Variants in ITGB1BP1 observed in about 807,000 individuals in gnomAD.
ITGB1BP1 encodes the protein integrin subunit beta 1 binding protein 1.
In ITGB1BP1, 20 loss-of-function variants were observed where a neutral mutation model predicts 28.0. That is an observed-to-expected ratio of 0.71 (90% CI 0.50 to 1.04). The LOEUF (loss-of-function observed/expected upper bound fraction) is 1.04, where lower values mean the gene tolerates loss of function less well. Among genes scored for constraint, ITGB1BP1 ranks in the 50% least tolerant of loss-of-function variants. The probability of loss-of-function intolerance (pLI) is 0.00; values close to 1 mark genes in which losing one functional copy is unlikely to be tolerated. For synonymous variants in ITGB1BP1, 103 were observed against 89.5 expected (o/e 1.15, Z -0.85); for missense variants, 228 against 242.5 (o/e 0.94, Z 0.40).
At chr2:9,412,589 T>G (rs1678583056) in intron 3 of ITGB1BP1, 184 bp from the exon 4 acceptor site, 1 of 549,964 alleles carries the variant, frequency 1.8e-6, no homozygotes, top group South Asian at 2.5e-5. Flanking sequence ...TTTTCCTCAG[T>G]GACTCATGGT....
rs1014907600 is a variant in ITGB1BP1, at chr2:9,415,953, A to G, written c.73-1697T>C. On this transcript the variant is annotated intron_variant, in intron 2 of 6. Transcript: ENST00000355346. This position sits in a 1 kb window ranked among gnomAD's most constrained non-coding sequence, Gnocchi z 4.1. ...CCCGGGATGAAAGGTCTAGGGAGGC[A>G]TCTCCTGAGGGGGCCTTGTGCGACC... 3.3e-5 allele frequency among the ~76,000 whole-genome samples: 5 copies of G among 152,230 alleles called. No individual in the cohort carries two copies. The highest frequency in any genetic ancestry group is 5.9e-5 in the Non-Finnish European group (4 of 68,034).
At chr2:9,416,243 T>G (rs903639756) in intron 2 of ITGB1BP1, among the ~76,000 whole-genome samples, 5 of 152,182 alleles carry the variant, frequency 3.3e-5, no homozygotes, top group Non-Finnish European at 7.4e-5. Flanking sequence ...TGCTTTTTTT[T>G]GGGAAGACTT....
chr2:9,404,865 T>C lies in ITGB1BP1; in HGVS notation c.*1969A>G, dbSNP rs566568728. On this transcript the variant is annotated 3_prime_UTR_variant, in exon 7 of 7. Coordinates refer to ENST00000355346, the MANE Select transcript of ITGB1BP1 (RefSeq NM_004763.5). ...CAAAGTTCCGGGTAAAAATGTGTTA[T>C]ATCTGTAGTTTTTTGTTTTTGTTTT... is the stretch of plus-strand genomic sequence containing the variant. 1.3e-5 allele frequency: 2 copies of C among 152,734 alleles called. No individual in the cohort carries two copies. Among genetic ancestry groups the C allele is most frequent in the African/African-American group, 4.8e-5 (2 of 41,582 alleles). 9.5% of individuals were successfully genotyped at this position (152,734 alleles called of 1,614,324 possible).
chr2:9,414,110 A>G (rs1481208609), intron 3 of ITGB1BP1, 68 bp downstream of exon 3: 2 of 1,264,336 alleles, frequency 1.6e-6, no homozygotes, highest in African/African-American at 3.0e-5. Flanking sequence ...TCATTGTGCT[A>G]CCCCAGTAAA....
Position 9,407,530 on chromosome 2 carries a change from CG to C in ITGB1BP1, c.449del (p.Ala150GlyfsTer8). 6.2e-7 allele frequency: 1 copy of C among 1,614,102 alleles called. No individual in the cohort carries two copies. Among genetic ancestry groups the C allele is most frequent in the Non-Finnish European group, 8.5e-7 (1 of 1,180,010 alleles). On this transcript the variant is annotated frameshift_variant, in exon 6 of 7. Transcript: ENST00000355346. LOFTEE classifies it high-confidence loss of function. ...TCTTCAGAGCCAGTAAGCTTTTTCCCGCCCCCAGACCGTCATCGTAACACAC... is the reference window on the plus strand; with the variant it reads ...TCTTCAGAGCCAGTAAGCTTTTTCCCCCCCCAGACCGTCATCGTAACACAC... Reference protein sequence around the residue: ...RMVCYDDGLGAGKSLLALKTT... With the variant: ...RMVCYDDGLGXGKSLLALKTT...
Position 9,404,797 on chromosome 2 carries a change from T to C in ITGB1BP1, c.*2037A>G, listed in dbSNP as rs949323570. The C allele has an allele frequency of 4.6e-5, 7 of 152,306 alleles. No homozygotes were observed. The highest frequency in any genetic ancestry group is 1.4e-4 in the African/African-American group (6 of 41,394). The allele number at this position is 152,306 out of a possible 1,614,324, so 9.4% of individuals were successfully genotyped here. ...TGTTATAAAGGAAGACAGAACAAAC[T>C]GGAATGTTTTATGATGTTGTATAGC... On this transcript the variant is annotated 3_prime_UTR_variant, in exon 7 of 7. Coordinates refer to ENST00000355346, the MANE Select transcript of ITGB1BP1 (RefSeq NM_004763.5).
intron 6 of ITGB1BP1, 38 bp from the exon 7 acceptor site, chr2:9,406,943 T>C (rs866608745): frequency 2.0e-6 from 3 of 1,487,616 alleles, no homozygotes; most frequent in East Asian, 4.5e-5. Flanking sequence ...GCAACATTCA[T>C]CTGTCTCTTC....
Position 9,423,359 on chromosome 2 carries a change from G to T in ITGB1BP1, c.-36+14C>A, listed in dbSNP as rs1411080095. The T allele has an allele frequency of 8.4e-7, 1 of 1,183,432 alleles. No homozygotes were observed. Among genetic ancestry groups the T allele is most frequent in the Non-Finnish European group, 1.1e-6 (1 of 939,818 alleles). The allele number at this position is 1,183,432 out of a possible 1,614,324, so 73.3% of individuals were successfully genotyped here. ...CGAGCTCGGCCCCAAGCGGGACGAG[G>T]GCTGGGCGCTCACCTCGCAGCCGCG... On this transcript the variant is annotated intron_variant, in intron 1 of 6. Coordinates refer to ENST00000355346, the MANE Select transcript of ITGB1BP1 (RefSeq NM_004763.5).
chr2:9,417,358 T>C (rs1265042730), intron 2 of ITGB1BP1, among the ~76,000 whole-genome samples: 2 of 151,458 alleles, frequency 1.3e-5, no homozygotes, highest in African/African-American at 4.9e-5. Flanking sequence ...CCTGCTCAAA[T>C]GCCACCAAGA....
At position 9,414,171 on chromosome 2, in the gene ITGB1BP1, T is replaced by C. The variant is rs777565940; in HGVS notation, c.151+7A>G. 78 of 1,611,982 alleles carry C rather than the reference T, an allele frequency of 4.8e-5. No individual in the cohort carries two copies. Among genetic ancestry groups the C allele is most frequent in the Non-Finnish European group, 6.6e-5 (78 of 1,178,218 alleles). On this transcript the variant is annotated splice_region_variant and intron_variant, in intron 3 of 6. Coordinates refer to ENST00000355346, the MANE Select transcript of ITGB1BP1 (RefSeq NM_004763.5). ...CAGACAATCAATGATCCAACCCTTT[T>C]ATGTACCTGAGCTTTTGGTGGAATC...
rs1032318598 is a variant in ITGB1BP1, at chr2:9,405,676, G to A, written c.*1158C>T. 2 of 152,434 alleles carry A rather than the reference G, an allele frequency of 1.3e-5. No individual in the cohort carries two copies. The highest frequency in any genetic ancestry group is 6.5e-5 in the Admixed American group (1 of 15,280). 9.4% of individuals were successfully genotyped at this position (152,434 alleles called of 1,614,324 possible). A position where few individuals can be genotyped will look rare whatever the true frequency, so the allele number is the denominator to read the frequency against. Reference sequence around the variant, plus strand: ...GGAAAAAAATAAAATACTTTTAAATGGACATGGTTTTATTTTTAATGTTTT... The same window carrying A: ...GGAAAAAAATAAAATACTTTTAAATAGACATGGTTTTATTTTTAATGTTTT... On this transcript the variant is annotated 3_prime_UTR_variant, in exon 7 of 7. Transcript: ENST00000355346.
chr2:9,420,067 G>A, intron 1 of ITGB1BP1: 1 of 984,036 alleles, frequency 1.0e-6, no homozygotes, highest in Non-Finnish European at 1.2e-6. Flanking sequence ...CTTTCATTCT[G>A]ACCTGGGTGA....
chr2:9,411,743 G>A (rs972975227), intron 4 of ITGB1BP1, among the ~76,000 whole-genome samples: 8 of 142,418 alleles, frequency 5.6e-5, no homozygotes, highest in South Asian at 4.5e-4. Flanking sequence ...AGAAAAACAA[G>A]TATTAAAAAG....
chr2:9,420,902 G>C (rs555748009), intron 1 of ITGB1BP1, among the ~76,000 whole-genome samples: 1 of 152,334 alleles, frequency 6.6e-6, no homozygotes, highest in Non-Finnish European at 1.5e-5. Context: ...CTGGATAAGG[G>C]TAAAAAGTGA....
chr2:9,423,308 G>A (rs1306742584), intron 1 of ITGB1BP1, 65 bp downstream of exon 1: 1 of 1,223,390 alleles, frequency 8.2e-7, no homozygotes, highest in East Asian at 9.2e-5. Flanking sequence ...CGCCGCTCTC[G>A]GGACCGTGTT....
chr2:9,418,570 A>C, intron 2 of ITGB1BP1, 56 bp downstream of exon 2: 1 of 1,167,750 alleles, frequency 8.6e-7, no homozygotes, highest in South Asian at 1.2e-5. Context: ...AATATCAGCT[A>C]GAAGAAACAA....
chr2:9,404,929 TTC>T lies in ITGB1BP1; in HGVS notation c.*1903_*1904del, dbSNP rs1426059368. On this transcript the variant is annotated 3_prime_UTR_variant, in exon 7 of 7. Transcript: ENST00000355346. ...ACATCTGTTTTCACTAATTGTTAATTTCTGTTTGAACCCTTCATTTAATTTTC... is the reference window on the plus strand; with the variant it reads ...ACATCTGTTTTCACTAATTGTTAATTTGTTTGAACCCTTCATTTAATTTTC... 5 of 152,716 alleles carry T rather than the reference TTC, an allele frequency of 3.3e-5. No homozygotes were observed. The highest frequency in any genetic ancestry group is 2.1e-4 in the South Asian group (1 of 4,830). 9.5% of individuals were successfully genotyped at this position (152,716 alleles called of 1,614,324 possible).
At position 9,406,647 on chromosome 2, in the gene ITGB1BP1, A is replaced by C. The variant is rs1298565350; in HGVS notation, c.*187T>G. The C allele has an allele frequency of 1.4e-5, 8 of 587,924 alleles. No individual in the cohort carries two copies. The highest frequency in any genetic ancestry group is 1.2e-4 in the Admixed American group (4 of 33,326). 36.4% of individuals were successfully genotyped at this position (587,924 alleles called of 1,614,324 possible). On this transcript the variant is annotated 3_prime_UTR_variant, in exon 7 of 7. Coordinates refer to ENST00000355346, the MANE Select transcript of ITGB1BP1 (RefSeq NM_004763.5). ...TTTAGCCCAGAAAATAGATGACTTC[A>C]TTGAGAGTTAACTCACTGTGTAATA...
chr2:9,418,044 A>T (rs1679362732), intron 2 of ITGB1BP1, among the ~76,000 whole-genome samples: 1 of 152,218 alleles, frequency 6.6e-6, no homozygotes, highest in Non-Finnish European at 1.5e-5. Flanking sequence ...TCTAAACACC[A>T]ACAAAATTGG....
Sources: allele counts gnomAD v4.1 joint callset (sites outside exome capture counted in the v4.1 genomes callset), GRCh38; gene constraint gnomAD v4.1.1; non-coding constraint Gnocchi (gnomAD v3.1); transcripts MANE v1.5; gene names NCBI Gene and HGNC (gene_info 2026-07-23, HGNC 2026-07-21).